The following ZNF469 variants were observed in gnomAD, a reference collection of about 807,000 sequenced individuals.
ZNF469 encodes zinc finger protein 469.
ZNF469 carries 1 observed loss-of-function variant against 1.0 expected under a neutral mutation model. That is an observed-to-expected ratio of 1.00 (90% confidence interval 0.35 to 4.73). The LOEUF (loss-of-function observed/expected upper bound fraction) is 4.73, where lower values mean the gene tolerates loss of function less well. Among genes scored for constraint, ZNF469 ranks in the 30% most tolerant of loss-of-function variants. The pLI is 0.16. For synonymous variants in ZNF469, 2,703 were observed against 2,363.4 expected (o/e 1.14, Z -4.17); for missense variants, 6,100 against 5,356.3 (o/e 1.14, Z -4.33).
the ZNF469 span, among the ~76,000 whole-genome samples, chr16:88,219,234 C>A: frequency 6.7e-6 from 1 of 149,168 alleles, no homozygotes; most frequent in East Asian, 1.9e-4. Context: ...CATCAAGCTA[C>A]CAATGCCTTT....
At chr16:88,153,574 G>A in the ZNF469 span, among the ~76,000 whole-genome samples, 2 of 152,242 alleles carry the variant, frequency 1.3e-5, no homozygotes, top group African/African-American at 4.8e-5. Context: ...ACGTGCAGGC[G>A]AGAAGGTCAT....
At chr16:88,397,603 TGATGGATGGATGGATGGGTG>T (rs142381763) in intron 1 of ZNF469, among the ~76,000 whole-genome samples, 121 of 147,824 alleles carry the variant, frequency 8.2e-4, no homozygotes, top group African/African-American at 2.1e-3. Flanking sequence ...TATATATGTG[TGATGGATGGATGGATGGGTG>T]GATGGATGGA....
chr16:88,201,641 C>T, the ZNF469 span, among the ~76,000 whole-genome samples: 2 of 152,154 alleles, frequency 1.3e-5, no homozygotes, highest in South Asian at 2.1e-4. The surrounding 1 kb of genome is among the most constrained non-coding windows in gnomAD (Gnocchi z 5.0). Flanking sequence ...CTGTGGCTGC[C>T]GGCAGTCCTG....
the ZNF469 span, among the ~76,000 whole-genome samples, chr16:88,249,486 G>C: frequency 2.3e-5 from 3 of 128,390 alleles, no homozygotes; most frequent in South Asian, 2.7e-4. Flanking sequence ...AGCCAGGCTG[G>C]AGTGCAGTGG....
the ZNF469 span, among the ~76,000 whole-genome samples, chr16:88,166,700 A>C: frequency 6.6e-6 from 1 of 151,808 alleles, no homozygotes; most frequent in Non-Finnish European, 1.5e-5. The surrounding 1 kb of genome is among the most constrained non-coding windows in gnomAD (Gnocchi z 4.5). Context: ...GCGTTTTTCA[A>C]GGGCTGGGTT....
At chr16:88,138,264 T>C in the ZNF469 span, among the ~76,000 whole-genome samples, 3 of 152,232 alleles carry the variant, frequency 2.0e-5, no homozygotes, top group Non-Finnish European at 4.4e-5. Context: ...GTTTGTCTTG[T>C]AATCACAATC....
chr16:88,266,999 C>T, the ZNF469 span, among the ~76,000 whole-genome samples: 2 of 152,252 alleles, frequency 1.3e-5, no homozygotes, highest in Admixed American at 6.5e-5. Context: ...GGAGCAGCAG[C>T]CCCCGCCAAG....
chr16:88,359,319 C>T, the ZNF469 span, among the ~76,000 whole-genome samples: 24 of 135,518 alleles, frequency 1.8e-4, no homozygotes, highest in African/African-American at 5.7e-4. Context: ...GTATCCTGCC[C>T]GCATTTGCTA....
At chr16:88,294,152 G>T in the ZNF469 span, among the ~76,000 whole-genome samples, 1 of 152,224 alleles carries the variant, frequency 6.6e-6, no homozygotes, top group Non-Finnish European at 1.5e-5. Context: ...GTGGCCAAAA[G>T]TTGCTTGTGG....
the ZNF469 span, among the ~76,000 whole-genome samples, chr16:88,230,484 G>T: frequency 6.6e-6 from 1 of 152,190 alleles, no homozygotes; most frequent in African/African-American, 2.4e-5. Flanking sequence ...AGCCTCTGGG[G>T]ACTCCCCTAG....
Position 88,433,298 on chromosome 16 carries a change from G to C in ZNF469, c.5828G>C (p.Gly1943Ala). 2 of 1,550,368 alleles carry C rather than the reference G, an allele frequency of 1.3e-6. No individual in the cohort carries two copies. The highest frequency in any genetic ancestry group is 2.4e-5 in the East Asian group (1 of 40,914). The change falls in exon 3 of 3, where the codon GGC becomes GCC. Residue 1943 changes from glycine (G) to alanine (A), a missense_variant. Transcript: ENST00000565624. ...GTGAACCCCTCAGGTCTGGAAGGGG[G>C]CACTGTGGAAGGAGGGAAGGTGGCC... ...PRVNPSGLEG[G>A]TVEGGKVACG...
rs772392648 is a variant in ZNF469, at chr16:88,428,773, G to A, written c.1303G>A (p.Ala435Thr). 34 of 1,545,300 alleles carry A rather than the reference G, an allele frequency of 2.2e-5. No individual in the cohort carries two copies. The highest frequency in any genetic ancestry group is 3.4e-4 in the Middle Eastern group (2 of 5,942). The change falls in exon 3 of 3, where the codon GCC becomes ACC. Residue 435 changes from alanine (A) to threonine (T), a missense_variant. Ala to Thr is a moderately conservative substitution (Grantham distance 58). Transcript: ENST00000565624. Reference sequence around the variant, plus strand: ...GCTGGCCGCCCCAGGGCCCCCACCCGCCAGGCTGCCCCAGCTGTGGGACCC... The same window carrying A: ...GCTGGCCGCCCCAGGGCCCCCACCCACCAGGCTGCCCCAGCTGTGGGACCC... ...TELAAPGPPPARLPQLWDPTA... is the reference protein window; with the variant it reads ...TELAAPGPPPTRLPQLWDPTA...
At chr16:88,377,449 G>C in the ZNF469 span, among the ~76,000 whole-genome samples, 1 of 152,214 alleles carries the variant, frequency 6.6e-6, no homozygotes, top group African/African-American at 2.4e-5. Flanking sequence ...CCCCTGTGCA[G>C]GACGCCCTCG....
At chr16:88,111,528 C>A in the ZNF469 span, among the ~76,000 whole-genome samples, 1 of 148,838 alleles carries the variant, frequency 6.7e-6, no homozygotes. Flanking sequence ...AACATCCCCC[C>A]CACTTCCCTT....
At chr16:88,129,096 A>AT in the ZNF469 span, among the ~76,000 whole-genome samples, 3 of 152,256 alleles carry the variant, frequency 2.0e-5, no homozygotes, top group Non-Finnish European at 4.4e-5. Context: ...TAATGCAGTG[A>AT]TAAAGCGTTA....
chr16:88,299,516 T>A, the ZNF469 span, among the ~76,000 whole-genome samples: 1 of 152,162 alleles, frequency 6.6e-6, no homozygotes, highest in Non-Finnish European at 1.5e-5. Flanking sequence ...ACAGCTTTGA[T>A]GATCTAACAA....
the ZNF469 span, among the ~76,000 whole-genome samples, chr16:88,249,373 G>T: frequency 1.3e-5 from 2 of 149,044 alleles, no homozygotes; most frequent in Non-Finnish European, 3.0e-5. Flanking sequence ...CCCAAGATGG[G>T]ACTACACCAC....
the ZNF469 span, among the ~76,000 whole-genome samples, chr16:88,315,815 G>A: frequency 1.6e-4 from 24 of 152,196 alleles, no homozygotes; most frequent in African/African-American, 5.6e-4. Flanking sequence ...GGAGGCCAAG[G>A]GGGTGGGAGA....
chr16:88,136,144 G>C, the ZNF469 span, among the ~76,000 whole-genome samples: 2 of 152,184 alleles, frequency 1.3e-5, no homozygotes, highest in Non-Finnish European at 2.9e-5. Flanking sequence ...ACGTGCAGCT[G>C]GACAGCAGTG....
Sources: gnomAD v4.1 joint callset for allele counts (sites outside exome capture counted in the v4.1 genomes callset) on GRCh38, gnomAD v4.1.1 for gene constraint, Gnocchi (gnomAD v3.1) non-coding constraint, MANE v1.5 for transcripts, NCBI Gene and HGNC (gene_info 2026-07-23, HGNC 2026-07-21) for gene names.